TMEM87B: variants seen among roughly 807,000 people sequenced by gnomAD.
The protein encoded by TMEM87B is transmembrane protein 87B.
In TMEM87B, 83 loss-of-function variants were observed where a neutral mutation model predicts 80.3. The observed-to-expected ratio is 1.03, with a 90% confidence interval of 0.87 to 1.24. The LOEUF (loss-of-function observed/expected upper bound fraction) is 1.24. Ranked by LOEUF, TMEM87B falls within the 50% of genes most tolerant of loss-of-function variation. The probability of loss-of-function intolerance (pLI) is 0.00; values close to 1 mark genes in which losing one functional copy is unlikely to be tolerated. For missense variants in TMEM87B, 625 were observed against 674.4 expected (o/e 0.93, Z 0.81); for synonymous variants, 219 against 230.5 (o/e 0.95, Z 0.45).
intron 18 of TMEM87B, among the ~76,000 whole-genome samples, chr2:112,113,380 T>A (rs1679973778): frequency 1.3e-5 from 2 of 152,220 alleles, no homozygotes; most frequent in Non-Finnish European, 2.9e-5. Context: ...GGAAGAAATC[T>A]GAAGTGTAAG....
intron 6 of TMEM87B, among the ~76,000 whole-genome samples, chr2:112,080,657 A>G (rs1389148474): frequency 6.6e-6 from 1 of 152,158 alleles, no homozygotes; most frequent in Non-Finnish European, 1.5e-5. Context: ...ATGGCTTGCT[A>G]ATTTTATCTC....
chr2:112,115,862 C>T (rs565640418), intron 18 of TMEM87B, among the ~76,000 whole-genome samples: 1 of 152,278 alleles, frequency 6.6e-6, no homozygotes, highest in Non-Finnish European at 1.5e-5. Flanking sequence ...TCTCGAACTC[C>T]TAGCGTCAAG....
At position 112,055,634 on chromosome 2, in the gene TMEM87B, C is replaced by T; in HGVS notation, c.43C>T (p.Arg15Cys). The T allele has an allele frequency of 6.4e-7, 1 of 1,552,068 alleles. No homozygotes were observed. Residue 15 changes from arginine to cysteine, a missense_variant, in exon 1 of 19, where the codon CGC (arginine) becomes TGC (cysteine). Coordinates refer to ENST00000283206, the MANE Select transcript of TMEM87B (RefSeq NM_032824.3). ...CRSVAGLLPR[R>C]RRCFPARAPL... ...CTCGGTAGCCGGGCTCCTGCCACGC[C>T]GCCGCCGCTGCTTTCCCGCCCGGGC...
At chr2:112,069,888 C>T (rs964317393) in intron 4 of TMEM87B, among the ~76,000 whole-genome samples, 5 of 152,158 alleles carry the variant, frequency 3.3e-5, no homozygotes, top group Admixed American at 2.6e-4. Flanking sequence ...GATGGTATCT[C>T]ATTGTGGTTT....
intron 4 of TMEM87B, among the ~76,000 whole-genome samples, chr2:112,067,864 A>C (rs1361328136): frequency 6.6e-6 from 1 of 152,022 alleles, no homozygotes; most frequent in East Asian, 1.9e-4. Flanking sequence ...GTCAACACTA[A>C]CTCCTCCTTT....
chr2:112,088,760 G>T (rs1181756278), intron 9 of TMEM87B, among the ~76,000 whole-genome samples: 1 of 151,974 alleles, frequency 6.6e-6, no homozygotes, highest in Non-Finnish European at 1.5e-5. Context: ...AATTTTTTTT[G>T]TTGTTTTTGT....
intron 5 of TMEM87B, among the ~76,000 whole-genome samples, chr2:112,075,466 A>T (rs1678784097): frequency 6.6e-6 from 1 of 152,234 alleles, no homozygotes; most frequent in Non-Finnish European, 1.5e-5. Flanking sequence ...TTGTCTAAAA[A>T]TATCCTTAAA....
In TMEM87B at chr2:112,055,749, TCAA is replaced by T; in HGVS notation, c.160_162del (p.Asn54del). ...GAGCTCGGGCTCTGGTTAGAGACAG[TCAA>T]CGACGTAAGTGGAGTGTCGGGACCC... On this transcript the variant is annotated inframe_deletion, in exon 1 of 19. Coordinates refer to ENST00000283206, the MANE Select transcript of TMEM87B (RefSeq NM_032824.3). 6.7e-7 allele frequency: 1 copy of T among 1,488,300 alleles called. No individual in the cohort carries two copies. The highest frequency in any genetic ancestry group is 8.9e-7 in the Non-Finnish European group (1 of 1,123,514). The allele number at this position is 1,488,300 out of a possible 1,614,324, so 92.2% of individuals were successfully genotyped here.
chr2:112,111,335 TC>T (rs1260532051), intron 17 of TMEM87B, among the ~76,000 whole-genome samples: 1 of 152,232 alleles, frequency 6.6e-6, no homozygotes, highest in African/African-American at 2.4e-5. Flanking sequence ...TGCCATCACT[TC>T]TTGCTGGAAA....
At chr2:112,074,651 T>C (rs1316859263) in intron 4 of TMEM87B, among the ~76,000 whole-genome samples, 1 of 152,158 alleles carries the variant, frequency 6.6e-6, no homozygotes, top group Non-Finnish European at 1.5e-5. Context: ...TATACTGAAA[T>C]AGGTTTTTCA....
intron 2 of TMEM87B, among the ~76,000 whole-genome samples, chr2:112,063,121 T>G (rs1486288215): frequency 1.3e-5 from 2 of 152,256 alleles, no homozygotes; most frequent in East Asian, 3.9e-4. Flanking sequence ...TGATCCTTGC[T>G]TCCTGTTATT....
chr2:112,087,017 C>A (rs747293534), intron 9 of TMEM87B, among the ~76,000 whole-genome samples: 1 of 152,160 alleles, frequency 6.6e-6, no homozygotes, highest in Non-Finnish European at 1.5e-5. Context: ...TTTAACATGT[C>A]GGTGTCAGTC....
Position 112,097,238 on chromosome 2 carries a change from A to G in TMEM87B, c.1219A>G (p.Ile407Val), listed in dbSNP as rs751342609. 79 of 1,609,362 alleles carry G rather than the reference A, an allele frequency of 4.9e-5. No individual in the cohort carries two copies. Among genetic ancestry groups the G allele is most frequent in the Non-Finnish European group, 5.9e-5 (69 of 1,178,888 alleles). Residue 407 changes from isoleucine to valine, a missense_variant, in exon 13 of 19, where the codon ATA (isoleucine) becomes GTA (valine). Coordinates refer to ENST00000283206, the MANE Select transcript of TMEM87B (RefSeq NM_032824.3). ...NTLIFAVLAS[I>V]VFMGWTTKTF... ...TGACTTTTTGTGTGTTTCAGCTTCT[A>G]TAGTGTTTATGGGGTGGACAACTAA...
At chr2:112,089,528 C>A in intron 9 of TMEM87B, 97 bp from the exon 10 acceptor site, 4 of 1,091,100 alleles carry the variant, frequency 3.7e-6, no homozygotes, top group Non-Finnish European at 4.2e-6. Flanking sequence ...TAGATAGTGA[C>A]TTCCTGGTAT....
chr2:112,082,824 A>AGTG (rs1439697059), intron 8 of TMEM87B, among the ~76,000 whole-genome samples: 2 of 152,060 alleles, frequency 1.3e-5, no homozygotes, highest in African/African-American at 4.8e-5. Context: ...AGTGAAGGTA[A>AGTG]AGGGTGGCAT....
At position 112,091,763 on chromosome 2, in the gene TMEM87B, G is replaced by A. The variant is rs763285382; in HGVS notation, c.1084G>A (p.Asp362Asn). ...VLDDIILAVI[D>N]SIFVWFIFIS... ...TGATGACATTATTTTAGCAGTTATT[G>A]ACTCCATTTTTGTGTGGTTCATATC... Residue 362 changes from aspartate (D) to asparagine (N), a missense_variant, in exon 11 of 19, where the codon GAC becomes AAC. Transcript: ENST00000283206. 1.9e-6 allele frequency: 3 copies of A among 1,612,914 alleles called. No homozygotes were observed. Among genetic ancestry groups the A allele is most frequent in the Non-Finnish European group, 2.5e-6 (3 of 1,179,312 alleles).
At position 112,119,258 on chromosome 2, in the gene TMEM87B, T is replaced by G. The variant is rs1680099039; in HGVS notation, c.*3115T>G. On this transcript the variant is annotated 3_prime_UTR_variant, in exon 19 of 19. Transcript: ENST00000283206. ...TTTGAAGGGTTTTCATTTGAAAAAT[T>G]GATGTATTTTGTGCCTTAATATTTT... 1 of 152,220 alleles carries G rather than the reference T, an allele frequency of 6.6e-6. No individual in the cohort carries two copies. 9.4% of individuals were successfully genotyped at this position (152,220 alleles called of 1,614,324 possible). A position where few individuals can be genotyped will look rare whatever the true frequency, so the allele number is the denominator to read the frequency against.
chr2:112,095,354 T>C (rs1457918633), intron 11 of TMEM87B: 2 of 984,904 alleles, frequency 2.0e-6, no homozygotes, highest in African/African-American at 3.5e-5. Flanking sequence ...GAAGGGCTAT[T>C]TGTTTTCATG....
chr2:112,094,682 T>G lies in TMEM87B; in HGVS notation c.1105-2362T>G, dbSNP rs191566214. Among the ~76,000 whole-genome samples, 140 of 152,272 alleles carry G rather than the reference T, an allele frequency of 9.2e-4. 1 individual carries two copies. The highest frequency in any genetic ancestry group is 3.2e-3 in the African/African-American group (133 of 41,538). The stretch of plus-strand genomic sequence containing the variant: ...AAAATAAGGAAAACAGATGAAAGAC[T>G]TAGTTTGCTTAATTATGAATATTTA... On this transcript the variant is annotated intron_variant, in intron 11 of 18. Transcript: ENST00000283206.
Sources: allele counts gnomAD v4.1 joint callset (sites outside exome capture counted in the v4.1 genomes callset), GRCh38; gene constraint gnomAD v4.1.1; transcripts MANE v1.5; gene names NCBI Gene and HGNC (gene_info 2026-07-23, HGNC 2026-07-21).